The following CASP10 variants were observed in gnomAD, a reference collection of about 807,000 sequenced individuals.
CASP10 encodes the protein caspase 10.
In CASP10, 41 loss-of-function variants were observed where a neutral mutation model predicts 48.5. The ratio of observed to expected loss-of-function variants is 0.85; its 90% CI spans 0.66 to 1.10. The LOEUF (loss-of-function observed/expected upper bound fraction) is 1.10. Ranked by LOEUF, CASP10 falls within the 50% of genes least tolerant of loss-of-function variation. The pLI is 0.00. For synonymous variants in CASP10, 232 were observed against 238.4 expected (o/e 0.97, Z 0.25); for missense variants, 614 against 614.5 (o/e 1.00, Z 0.01).
At chr2:201,206,053 G>T in intron 7 of CASP10, 80 bp downstream of exon 7, 1 of 827,588 alleles carries the variant, frequency 1.2e-6, no homozygotes, top group East Asian at 2.7e-5. Flanking sequence ...TTTCTTTAGG[G>T]GCTCTCTCCC....
chr2:201,193,332 C>T (rs1300380425), intron 4 of CASP10: 6 of 426,020 alleles, frequency 1.4e-5, no homozygotes, highest in Admixed American at 6.8e-5. Context: ...CTCAACCTCC[C>T]GAGTAGCTGG....
Position 201,220,741 on chromosome 2 carries a change from CAT to C in CASP10, c.*3001_*3002del, listed in dbSNP as rs1945701739. On this transcript the variant is annotated 3_prime_UTR_variant, in exon 10 of 10. Transcript: ENST00000286186. Reference sequence around the variant, plus strand: ...CTTTCCTCTTTCTTTAATTCTTACACATGTGTCAGGATGATCTCCCAAAACCG... The same window carrying C: ...CTTTCCTCTTTCTTTAATTCTTACACGTGTCAGGATGATCTCCCAAAACCG... 8 of 984,974 alleles carry C rather than the reference CAT, an allele frequency of 8.1e-6. 1 individual carries two copies. The highest frequency in any genetic ancestry group is 7.2e-6 in the Non-Finnish European group (6 of 829,720). 61.0% of individuals were successfully genotyped at this position (984,974 alleles called of 1,614,324 possible). A position where few individuals can be genotyped will look rare whatever the true frequency, so the allele number is the denominator to read the frequency against.
rs1263545239 is a variant in CASP10, at chr2:201,187,836, T to C, written c.441+37T>C. 4 of 1,397,030 alleles carry C rather than the reference T, an allele frequency of 2.9e-6. No individual in the cohort carries two copies. The African/African-American group carries it at 4.2e-5, about 15-fold the overall frequency. 86.5% of individuals were successfully genotyped at this position (1,397,030 alleles called of 1,614,324 possible). A position where few individuals can be genotyped will look rare whatever the true frequency, so the allele number is the denominator to read the frequency against. Reference sequence around the variant, plus strand: ...ATACAGAATGGGTCTGTGTGAGCACTGTCTTAATCAATGATTAGAAAGATG... The same window carrying C: ...ATACAGAATGGGTCTGTGTGAGCACCGTCTTAATCAATGATTAGAAAGATG... On this transcript the variant is annotated intron_variant, in intron 3 of 9. Transcript: ENST00000286186.
At chr2:201,203,823 A>G (rs1200346852) in intron 6 of CASP10, 57 bp downstream of exon 6, 4 of 1,308,846 alleles carry the variant, frequency 3.1e-6, no homozygotes. Context: ...GGATAGACAT[A>G]TTTGATATAT....
chr2:201,205,219 TTTTCTTTTC>T (rs1281931492), intron 6 of CASP10, among the ~76,000 whole-genome samples: 4 of 148,814 alleles, frequency 2.7e-5, no homozygotes, highest in Non-Finnish European at 6.0e-5. Flanking sequence ...TTTTCTTTTC[TTTTCTTTTC>T]TTTTTTTTTT....
At chr2:201,225,488 C>T (rs1332039822), downstream of CASP10, among the ~76,000 whole-genome samples, 1 of 152,152 alleles carries the variant, frequency 6.6e-6, no homozygotes, top group Non-Finnish European at 1.5e-5. Flanking sequence ...GGTTATATCA[C>T]CCTTTTGCAC....
chr2:201,223,477 C>T (rs1945750453), downstream of CASP10, among the ~76,000 whole-genome samples: 7 of 152,332 alleles, frequency 4.6e-5, no homozygotes, highest in South Asian at 1.5e-3. Flanking sequence ...CTTTGTATCT[C>T]TGGATTTGCT....
Position 201,209,115 on chromosome 2 carries a change from T to A in CASP10, c.968T>A (p.Ile323Lys), listed in dbSNP as rs1235920065. Residue 323 changes from isoleucine to lysine, a missense_variant, in exon 9 of 10, where the codon ATA (isoleucine) becomes AAA (lysine). By Grantham distance (102) the Ile-to-Lys change is moderately radical. Transcript: ENST00000286186. ...CAGTGGCTTGGGTTCACAGTGCATA[T>A]ACACAATAATGTGACGAAAGTGGAA... ...VFQWLGFTVH[I>K]HNNVTKVEME... is the part of the protein sequence containing the mutation. 6.2e-7 allele frequency: 1 copy of A among 1,611,966 alleles called. No individual in the cohort carries two copies. The highest frequency in any genetic ancestry group is 1.7e-5 in the Admixed American group (1 of 59,544).
Position 201,219,065 on chromosome 2 carries a change from T to C in CASP10, c.*1324T>C. The C allele has an allele frequency of 3.6e-6, 3 of 835,186 alleles. No individual in the cohort carries two copies. Among genetic ancestry groups the C allele is most frequent in the Non-Finnish European group, 4.3e-6 (3 of 692,970 alleles). The allele number at this position is 835,186 out of a possible 1,614,324, so 51.7% of individuals were successfully genotyped here. ...CAGGCAGATCACTTGAGGTCAGGAG[T>C]TCGAGACCAGCCTGGCCAATACGGC... On this transcript the variant is annotated 3_prime_UTR_variant, in exon 10 of 10. Coordinates refer to ENST00000286186, the MANE Select transcript of CASP10 (RefSeq NM_032977.4).
At chr2:201,212,580 C>T in intron 9 of CASP10, 1 of 152,170 alleles carries the variant, frequency 6.6e-6, no homozygotes. Context: ...TATAGAATTG[C>T]TTGGAGGGCT....
intron 5 of CASP10, among the ~76,000 whole-genome samples, chr2:201,198,225 C>CTTT (rs775115555): frequency 7.2e-6 from 1 of 138,754 alleles, no homozygotes; most frequent in Non-Finnish European, 1.6e-5. Context: ...ATTTTTAATT[C>CTTT]TTTTTTTTTT....
At chr2:201,204,745 G>A (rs539755487) in intron 6 of CASP10, among the ~76,000 whole-genome samples, 1 of 152,318 alleles carries the variant, frequency 6.6e-6, no homozygotes, top group South Asian at 2.1e-4. Flanking sequence ...TCAGGTGACT[G>A]CTTCACCCCT....
At chr2:201,188,936 T>C (rs1259107061) in intron 3 of CASP10, among the ~76,000 whole-genome samples, 1 of 151,806 alleles carries the variant, frequency 6.6e-6, no homozygotes, top group Non-Finnish European at 1.5e-5. Context: ...AATGGCACAA[T>C]TTCAGCTCAC....
intron 5 of CASP10, among the ~76,000 whole-genome samples, chr2:201,198,901 TAC>T (rs1358222342): frequency 6.6e-6 from 1 of 152,206 alleles, no homozygotes; most frequent in Non-Finnish European, 1.5e-5. Flanking sequence ...CTGATATTTT[TAC>T]AGTTACAATT....
rs1945269625 is a variant in CASP10, at chr2:201,208,112, G to A, written c.851G>A (p.Gly284Asp). ...TACAGGATGAATCGGAACCACAGAG[G>A]CCTCTGTGTCATTGTCAACAACCAC... ...AVYRMNRNHR[G>D]LCVIVNNHSF... The change falls in exon 8 of 10, where the codon GGC (glycine) becomes GAC (aspartate). Residue 284 changes from glycine to aspartate, a missense_variant. Coordinates refer to ENST00000286186, the MANE Select transcript of CASP10 (RefSeq NM_032977.4). 1.2e-6 allele frequency: 2 copies of A among 1,613,946 alleles called. No homozygotes were observed. The highest frequency in any genetic ancestry group is 1.7e-6 in the Non-Finnish European group (2 of 1,179,916).
chr2:201,226,096 T>C (rs183734339), downstream of CASP10, among the ~76,000 whole-genome samples: 9 of 152,304 alleles, frequency 5.9e-5, no homozygotes, highest in Admixed American at 2.0e-4. Flanking sequence ...ATCCATAAAA[T>C]ATTAAACAAT....
In CASP10 at chr2:201,218,826, G is replaced by A. The variant is rs1945649523; in HGVS notation, c.*1085G>A. 1 of 985,352 alleles carries A rather than the reference G, an allele frequency of 1.0e-6. No homozygotes were observed. The highest frequency in any genetic ancestry group is 1.2e-6 in the Non-Finnish European group (1 of 829,930). 61.0% of individuals were successfully genotyped at this position (985,352 alleles called of 1,614,324 possible). On this transcript the variant is annotated 3_prime_UTR_variant, in exon 10 of 10. Transcript: ENST00000286186. ...GCACATCTAGTGAGGTGAAAATTTG[G>A]TCTATGCCAGGCCCATTTCCTGCTT...
At chr2:201,221,963 G>A (rs1232045817), downstream of CASP10, among the ~76,000 whole-genome samples, 1 of 152,200 alleles carries the variant, frequency 6.6e-6, no homozygotes, top group African/African-American at 2.4e-5. Flanking sequence ...AGTTGGTAGA[G>A]TGTGCCCTCC....
At chr2:201,190,855 T>C (rs2126013606) in intron 3 of CASP10, among the ~76,000 whole-genome samples, 1 of 151,794 alleles carries the variant, frequency 6.6e-6, no homozygotes, top group South Asian at 2.1e-4. Flanking sequence ...ACAGAATTAT[T>C]ATTATTATTA....
Sources: allele counts gnomAD v4.1 joint callset (sites outside exome capture counted in the v4.1 genomes callset), GRCh38; gene constraint gnomAD v4.1.1; transcripts MANE v1.5; gene names NCBI Gene and HGNC (gene_info 2026-07-23, HGNC 2026-07-21).